The following ZNF69 variants were observed in gnomAD, a reference collection of about 807,000 sequenced individuals.
ZNF69 encodes the protein zinc finger protein 69.
In ZNF69, 47 loss-of-function variants were observed where a neutral mutation model predicts 50.9. The observed-to-expected ratio is 0.92, with a 90% CI of 0.73 to 1.18. The LOEUF (loss-of-function observed/expected upper bound fraction) is 1.18. Among genes scored for constraint, ZNF69 ranks in the 50% most tolerant of loss-of-function variants. The pLI is 0.00. For synonymous variants in ZNF69, 216 were observed against 223.1 expected (o/e 0.97, Z 0.29); for missense variants, 717 against 675.1 (o/e 1.06, Z -0.69).
chr19:11,966,025 G>C, the ZNF69 span, among the ~76,000 whole-genome samples: 1 of 152,150 alleles, frequency 6.6e-6, no homozygotes, highest in African/African-American at 2.4e-5. Flanking sequence ...AATGCTGAAG[G>C]AAGGGGGTCT....
chr19:11,966,368 CTTTG>C, the ZNF69 span, among the ~76,000 whole-genome samples: 9 of 151,998 alleles, frequency 5.9e-5, no homozygotes, highest in African/African-American at 1.7e-4. Flanking sequence ...TGGGAAGGTA[CTTTG>C]TTTGTTTTTG....
chr19:11,965,624 A>G, the ZNF69 span, among the ~76,000 whole-genome samples: 1 of 152,238 alleles, frequency 6.6e-6, no homozygotes, highest in African/African-American at 2.4e-5. Flanking sequence ...AAGTACATTA[A>G]CAATTAAAGA....
chr19:11,913,610 T>C, exon 5 of ZNF69: 3 of 316,206 alleles, frequency 9.5e-6, no homozygotes, highest in African/African-American at 2.2e-5. Flanking sequence ...AGGCTGGTCT[T>C]GAACTCCAGA....
At chr19:11,947,603 G>A in the ZNF69 span, 50 of 1,585,852 alleles carry the variant, frequency 3.2e-5, no homozygotes, top group Non-Finnish European at 4.2e-5. Context: ...AGAAAGCAGT[G>A]TCTCTCTGCA....
At chr19:11,957,644 A>G in the ZNF69 span, among the ~76,000 whole-genome samples, 2 of 152,052 alleles carry the variant, frequency 1.3e-5, no homozygotes, top group Non-Finnish European at 2.9e-5. Flanking sequence ...CAGGAGTTCA[A>G]GACCACCCTG....
downstream of ZNF69, among the ~76,000 whole-genome samples, chr19:11,915,399 A>G (rs1044744959): frequency 1.3e-5 from 2 of 152,238 alleles, no homozygotes; most frequent in Non-Finnish European, 2.9e-5. Context: ...ATGAAAGTGC[A>G]GGCTGAGGGT....
At chr19:11,938,797 C>T in the ZNF69 span, among the ~76,000 whole-genome samples, 1 of 152,174 alleles carries the variant, frequency 6.6e-6, no homozygotes, top group Non-Finnish European at 1.5e-5. Flanking sequence ...TGAGGAATCA[C>T]CACACTGTCT....
the ZNF69 span, chr19:11,976,881 T>C: frequency 6.7e-7 from 1 of 1,495,880 alleles, no homozygotes; most frequent in African/African-American, 1.4e-5. Context: ...ACAACAAAAA[T>C]GCTTTATGGA....
chr19:11,936,659 G>A, the ZNF69 span, among the ~76,000 whole-genome samples: 1 of 152,096 alleles, frequency 6.6e-6, no homozygotes, highest in Non-Finnish European at 1.5e-5. Context: ...TTTGATGGTA[G>A]TTTCTTTTGC....
downstream of ZNF69, among the ~76,000 whole-genome samples, chr19:11,914,795 C>A (rs1168303169): frequency 6.6e-6 from 1 of 152,222 alleles, no homozygotes; most frequent in African/African-American, 2.4e-5. Context: ...ACTGACCAAA[C>A]CCTGTCTGTG....
At chr19:11,920,462 T>G in the ZNF69 span, among the ~76,000 whole-genome samples, 22 of 152,172 alleles carry the variant, frequency 1.4e-4, no homozygotes, top group Admixed American at 1.1e-3. Context: ...TTTAATAAAA[T>G]AGAGACTAGT....
exon 5 of ZNF69, chr19:11,913,640 C>T (rs169404): frequency 0.022 from 6,230 of 289,506 alleles, 396 homozygotes; most frequent in African/African-American, 0.13. Flanking sequence ...TCGCCTGCCT[C>T]GGCCTCCCAA....
chr19:11,914,594 T>A (rs893077084), downstream of ZNF69, among the ~76,000 whole-genome samples: 1 of 152,254 alleles, frequency 6.6e-6, no homozygotes, highest in African/African-American at 2.4e-5. Context: ...TGAGGCTAAC[T>A]TGTCAACAGC....
At chr19:11,927,361 C>CA in the ZNF69 span, among the ~76,000 whole-genome samples, 1 of 150,960 alleles carries the variant, frequency 6.6e-6, no homozygotes. Context: ...TCTCAAAAAC[C>CA]AAAACAAACA....
At chr19:11,902,507 G>C (rs1164988116) in intron 1 of ZNF69, among the ~76,000 whole-genome samples, 1 of 151,818 alleles carries the variant, frequency 6.6e-6, no homozygotes, top group Non-Finnish European at 1.5e-5. Context: ...TATTTTTTAG[G>C]AATGTCCCCT....
chr19:11,936,532 GTTGT>G, the ZNF69 span, among the ~76,000 whole-genome samples: 2 of 152,160 alleles, frequency 1.3e-5, no homozygotes, highest in African/African-American at 2.4e-5. Context: ...TTTTGATGGG[GTTGT>G]TTGTTTTTTT....
At chr19:11,949,468 G>A in the ZNF69 span, 5 of 1,613,164 alleles carry the variant, frequency 3.1e-6, no homozygotes, top group Non-Finnish European at 4.2e-6. Flanking sequence ...ATGTGGGAAA[G>A]CCTTCAGATA....
chr19:11,964,722 C>T, the ZNF69 span, among the ~76,000 whole-genome samples: 4 of 152,202 alleles, frequency 2.6e-5, no homozygotes, highest in Admixed American at 2.6e-4. Context: ...TCTGAAATTC[C>T]CTGCACACTC....
the ZNF69 span, chr19:11,949,851 G>A: frequency 3.1e-6 from 5 of 1,610,030 alleles, no homozygotes; most frequent in Non-Finnish European, 4.2e-6. Flanking sequence ...ACCTTCGAAA[G>A]CATGGTAGGA....
Sources: gnomAD v4.1 joint callset for allele counts (sites outside exome capture counted in the v4.1 genomes callset) on GRCh38, gnomAD v4.1.1 for gene constraint, MANE v1.5 for transcripts, NCBI Gene and HGNC (gene_info 2026-07-23, HGNC 2026-07-21) for gene names.